PCSK6: variants seen among roughly 807,000 people sequenced by gnomAD.
The protein encoded by PCSK6 is proprotein convertase subtilisin/kexin type 6.
PCSK6 carries 85 observed loss-of-function variants against 123.3 expected under a neutral mutation model. The observed-to-expected ratio is 0.69, with a 90% CI of 0.58 to 0.83. The LOEUF is 0.83. Among genes scored for constraint, PCSK6 ranks in the 40% least tolerant of loss-of-function variants. The probability of loss-of-function intolerance (pLI) is 0.00; values close to 1 mark genes in which losing one functional copy is unlikely to be tolerated. For synonymous variants in PCSK6, 508 were observed against 516.0 expected (o/e 0.98, Z 0.21); for missense variants, 1,191 against 1,282.3 (o/e 0.93, Z 1.09).
chr15:101,319,395 G>A (rs1010874694), intron 18 of PCSK6, among the ~76,000 whole-genome samples: 18 of 151,256 alleles, frequency 1.2e-4, no homozygotes, highest in African/African-American at 3.9e-4. Flanking sequence ...AATATGTGAA[G>A]AGAAAAAGAA....
chr15:101,359,414 T>G (rs2041145225), intron 13 of PCSK6, among the ~76,000 whole-genome samples: 1 of 152,264 alleles, frequency 6.6e-6, no homozygotes, highest in South Asian at 2.1e-4. Flanking sequence ...GTATTTCTTG[T>G]ATCCACTAAT....
chr15:101,479,667 G>C (rs943857588), intron 1 of PCSK6, among the ~76,000 whole-genome samples: 1 of 152,186 alleles, frequency 6.6e-6, no homozygotes, highest in Non-Finnish European at 1.5e-5. Context: ...GAGCAGAACG[G>C]TGTGGGGCAC....
intron 1 of PCSK6, among the ~76,000 whole-genome samples, chr15:101,456,693 C>G (rs568119690): frequency 1.3e-5 from 2 of 152,306 alleles, no homozygotes; most frequent in African/African-American, 4.8e-5. Context: ...AACAGGGACC[C>G]ACATTCTTAG....
chr15:101,463,615 C>A (rs12908079), intron 1 of PCSK6, among the ~76,000 whole-genome samples: 111,113 of 151,792 alleles, frequency 0.73, 41,437 homozygotes, highest in Non-Finnish European at 0.82. Context: ...ATCTGGGATT[C>A]GGTTGTTCAT....
At chr15:101,346,756 T>C (rs1400135886) in intron 13 of PCSK6, 1 of 1,229,874 alleles carries the variant, frequency 8.1e-7, no homozygotes, top group Admixed American at 4.2e-5. Flanking sequence ...GTTTAGTATT[T>C]TATTTGCAAA....
intron 10 of PCSK6, among the ~76,000 whole-genome samples, chr15:101,383,054 A>T (rs2041952635): frequency 6.6e-6 from 1 of 152,192 alleles, no homozygotes; most frequent in African/African-American, 2.4e-5. Flanking sequence ...TTAAAAAAAA[A>T]TTCCTCCCTA....
chr15:101,444,381 G>A (rs1249962519), intron 1 of PCSK6, among the ~76,000 whole-genome samples: 3 of 152,064 alleles, frequency 2.0e-5, no homozygotes, highest in East Asian at 1.9e-4. Context: ...CATTGTTATC[G>A]GAGGCCTGCT....
chr15:101,324,350 C>T (rs1274632294), intron 17 of PCSK6, among the ~76,000 whole-genome samples: 3 of 152,168 alleles, frequency 2.0e-5, no homozygotes, highest in Admixed American at 6.5e-5. Flanking sequence ...GCAGCTCTGC[C>T]GAGGAGGGCT....
intron 6 of PCSK6, 126 bp downstream of exon 6, chr15:101,427,766 G>C: frequency 1.5e-6 from 1 of 676,240 alleles, no homozygotes; most frequent in Non-Finnish European, 2.5e-6. Context: ...TGCTGCGTCT[G>C]GCCCAGGGGT....
chr15:101,463,074 G>A (rs374146848), intron 1 of PCSK6: 363 of 460,600 alleles, frequency 7.9e-4, no homozygotes, highest in African/African-American at 4.5e-3. Flanking sequence ...CCTGCCCTGC[G>A]GACACTTCTT....
intron 1 of PCSK6, among the ~76,000 whole-genome samples, chr15:101,479,150 G>A (rs763303706): frequency 2.3e-4 from 35 of 152,312 alleles, no homozygotes; most frequent in African/African-American, 6.5e-4. Context: ...GAGCCCCTCC[G>A]TGGAGCTCGG....
chr15:101,308,794 C>T (rs1596162400), intron 20 of PCSK6: 1 of 152,394 alleles, frequency 6.6e-6, no homozygotes, highest in Non-Finnish European at 1.5e-5. Context: ...CCCTGATGCC[C>T]CAGTACAGGT....
At chr15:101,378,984 C>G (rs543660288) in intron 11 of PCSK6, among the ~76,000 whole-genome samples, 2 of 152,320 alleles carry the variant, frequency 1.3e-5, no homozygotes, top group African/African-American at 4.8e-5. Context: ...CGCCTTTGGG[C>G]CTGAGCATGA....
At chr15:101,321,474 C>A (rs542060282) in intron 18 of PCSK6, among the ~76,000 whole-genome samples, 3 of 152,190 alleles carry the variant, frequency 2.0e-5, no homozygotes, top group African/African-American at 7.2e-5. Flanking sequence ...TTGTAAAATG[C>A]GAGTAAGAAT....
chr15:101,443,607 T>C lies in PCSK6; in HGVS notation c.351A>G (p.Arg117=), dbSNP rs990973683. ...GAGGGCCTCTGCTACTCAAGGTTGA[T>C]CTTTTAAAGGTTTTGCTGTGATAAA... is the stretch of plus-strand genomic sequence containing the variant. ...YHFYHSKTFK[R]STLSSRGPHT... Residue 117 remains arginine, a synonymous_variant, in exon 2 of 22, where the codon AGA becomes AGG. Transcript: ENST00000611716. 13 of 1,613,898 alleles carry C rather than the reference T, an allele frequency of 8.1e-6. No individual in the cohort carries two copies. The highest frequency in any genetic ancestry group is 6.7e-5 in the East Asian group (3 of 44,900).
intron 13 of PCSK6, chr15:101,337,037 G>C (rs1052747969): frequency 2.0e-5 from 3 of 150,484 alleles, no homozygotes; most frequent in Non-Finnish European, 4.4e-5. Context: ...ATGGTGTCTC[G>C]CTCTGTTGCC....
chr15:101,433,582 G>T (rs926282228), intron 2 of PCSK6, among the ~76,000 whole-genome samples: 9 of 152,372 alleles, frequency 5.9e-5, no homozygotes, highest in South Asian at 2.1e-4. Context: ...AGGGCAGGCT[G>T]CCTGGAGGAG....
chr15:101,453,115 C>G (rs2057078286), intron 1 of PCSK6, among the ~76,000 whole-genome samples: 1 of 152,214 alleles, frequency 6.6e-6, no homozygotes, highest in Non-Finnish European at 1.5e-5. Flanking sequence ...TCTCTAACCC[C>G]ATGCTGAGAA....
chr15:101,306,435 G>C (rs2039725398), intron 21 of PCSK6, among the ~76,000 whole-genome samples: 1 of 152,106 alleles, frequency 6.6e-6, no homozygotes, highest in Admixed American at 6.5e-5. Context: ...GACAGGGCCA[G>C]TGCCAGCTTC....
Sources: gnomAD v4.1 joint callset for allele counts (sites outside exome capture counted in the v4.1 genomes callset) on GRCh38, gnomAD v4.1.1 for gene constraint, MANE v1.5 for transcripts, NCBI Gene and HGNC (gene_info 2026-07-23, HGNC 2026-07-21) for gene names.